Variants in ICA1 observed in about 807,000 individuals in gnomAD.
The protein encoded by ICA1 is 69 kDa islet cell autoantigen.
Under a neutral mutation model 71.0 loss-of-function variants are expected in ICA1, and 40 were observed. The observed-to-expected ratio is 0.56, with a 90% confidence interval of 0.44 to 0.73. The LOEUF is 0.73. Ranked by LOEUF, ICA1 falls within the 30% of genes least tolerant of loss-of-function variation. The pLI is 0.00. For missense variants in ICA1, 578 were observed against 576.5 expected, an observed-to-expected ratio of 1.00 and a Z score of -0.03; for synonymous variants, 207 against 209.5, an observed-to-expected ratio of 0.99 and a Z score of 0.10.
intron 6 of ICA1, among the ~76,000 whole-genome samples, chr7:8,199,225 G>A (rs545282264): frequency 6.6e-6 from 1 of 152,288 alleles, no homozygotes; most frequent in Non-Finnish European, 1.5e-5. Context: ...CCACTGCAGG[G>A]TATATACCCA....
intron 1 of ICA1, among the ~76,000 whole-genome samples, chr7:8,245,144 C>T (rs114237299): frequency 1.3e-5 from 2 of 152,042 alleles, no homozygotes; most frequent in African/African-American, 4.8e-5. Context: ...ACAATACCAA[C>T]GACTTGGAAC....
At chr7:8,152,796 T>TCCACCACCACCA (rs79753788) in intron 8 of ICA1, among the ~76,000 whole-genome samples, 59 of 49,584 alleles carry the variant, frequency 1.2e-3, no homozygotes, top group Non-Finnish European at 1.2e-3. Flanking sequence ...CACCATCACC[T>TCCACCACCACCA]CCACCACCAC....
chr7:8,206,979 A>G (rs1791825626), intron 6 of ICA1, among the ~76,000 whole-genome samples: 1 of 152,212 alleles, frequency 6.6e-6, no homozygotes, highest in Admixed American at 6.5e-5. Context: ...AGCATGGCTG[A>G]GTCCCACTTC....
chr7:8,187,010 A>C (rs1293025207), intron 6 of ICA1, among the ~76,000 whole-genome samples: 1 of 152,224 alleles, frequency 6.6e-6, no homozygotes, highest in Non-Finnish European at 1.5e-5. Flanking sequence ...ACTCAGTTCT[A>C]AGAACTTGAC....
intron 6 of ICA1, among the ~76,000 whole-genome samples, chr7:8,205,391 C>G (rs1791163358): frequency 6.6e-6 from 1 of 152,178 alleles, no homozygotes; most frequent in Non-Finnish European, 1.5e-5. Context: ...CACATAGTCT[C>G]TAGTAACCCT....
intron 12 of ICA1, among the ~76,000 whole-genome samples, chr7:8,133,532 A>T (rs183413603): frequency 7.5e-4 from 114 of 152,334 alleles, no homozygotes; most frequent in Non-Finnish European, 1.3e-3. Flanking sequence ...TACAGGCATG[A>T]GCCCTTTTCC....
chr7:8,183,337 C>T (rs762220516), intron 6 of ICA1, among the ~76,000 whole-genome samples: 2 of 152,192 alleles, frequency 1.3e-5, no homozygotes, highest in Non-Finnish European at 2.9e-5. Context: ...GCTATTCTAA[C>T]CCCCGTCTAC....
chr7:8,227,245 T>C (rs1016086065), intron 4 of ICA1, among the ~76,000 whole-genome samples: 2 of 152,114 alleles, frequency 1.3e-5, no homozygotes, highest in African/African-American at 4.8e-5. Flanking sequence ...TTGAAAGCAG[T>C]GCAGACAATA....
chr7:8,162,405 C>T (rs1195948522), intron 6 of ICA1, among the ~76,000 whole-genome samples: 1 of 152,184 alleles, frequency 6.6e-6, no homozygotes, highest in Non-Finnish European at 1.5e-5. Flanking sequence ...GGATGCTACA[C>T]TGTTGGGCGT....
At chr7:8,236,711 A>G (rs530467551) in intron 1 of ICA1, 8 of 152,416 alleles carry the variant, frequency 5.2e-5, no homozygotes, top group African/African-American at 1.9e-4. Context: ...CTCGTTAGTA[A>G]ATACTGGAGT....
chr7:8,241,574 T>C (rs993451231), intron 1 of ICA1, among the ~76,000 whole-genome samples: 6 of 121,822 alleles, frequency 4.9e-5, no homozygotes, highest in Non-Finnish European at 8.4e-5. Context: ...AATATTAACC[T>C]TATTGTAAAT....
chr7:8,140,405 C>T (rs1169858033), intron 10 of ICA1, among the ~76,000 whole-genome samples: 1 of 152,214 alleles, frequency 6.6e-6, no homozygotes, highest in Non-Finnish European at 1.5e-5. Flanking sequence ...GTTTCTTCTG[C>T]TTTGACAAGT....
chr7:8,161,060 G>T (rs1378726979), intron 6 of ICA1, among the ~76,000 whole-genome samples: 1 of 152,154 alleles, frequency 6.6e-6, no homozygotes, highest in Non-Finnish European at 1.5e-5. Flanking sequence ...TCCTACAAAG[G>T]GGAAGAAAAT....
rs564195528 is a variant in ICA1 at position 8,117,408 on chromosome 7, G to A, written c.1331-3364C>T. On this transcript the variant is annotated intron_variant, in intron 13 of 13. Transcript: ENST00000402384. ...GGGACAGCAAACCTAGTTCCACACA[G>A]CATTTACTGTCTGTCCTGGAGGTTT... is the stretch of plus-strand genomic sequence containing the variant. Among the ~76,000 whole-genome samples, 3 of 152,284 alleles carry A rather than the reference G, an allele frequency of 2.0e-5. No homozygotes were observed. In the South Asian group the frequency reaches 6.2e-4, roughly 32 times the overall value.
intron 6 of ICA1, among the ~76,000 whole-genome samples, chr7:8,216,510 C>T (rs1795434405): frequency 6.6e-6 from 1 of 150,798 alleles, no homozygotes; most frequent in African/African-American, 2.4e-5. Flanking sequence ...TGTTTCAACA[C>T]TCAAACCAAA....
chr7:8,173,000 C>T (rs539604185), intron 6 of ICA1, among the ~76,000 whole-genome samples: 13 of 152,282 alleles, frequency 8.5e-5, no homozygotes, highest in Non-Finnish European at 1.9e-4. Flanking sequence ...TCACTGACAA[C>T]GGAGGTGAAA....
intron 6 of ICA1, among the ~76,000 whole-genome samples, chr7:8,200,584 G>A (rs946195539): frequency 1.3e-5 from 2 of 152,128 alleles, no homozygotes; most frequent in African/African-American, 4.8e-5. Flanking sequence ...TATGGAAGGG[G>A]CCTTGCTGGG....
At chr7:8,202,662 C>T (rs1467870369) in intron 6 of ICA1, among the ~76,000 whole-genome samples, 2 of 152,156 alleles carry the variant, frequency 1.3e-5, no homozygotes, top group Non-Finnish European at 2.9e-5. Flanking sequence ...TTATATCACC[C>T]TTGACTTTTT....
At chr7:8,147,751 C>A (rs947598287) in intron 8 of ICA1, among the ~76,000 whole-genome samples, 1 of 150,560 alleles carries the variant, frequency 6.6e-6, no homozygotes, top group African/African-American at 2.5e-5. Context: ...AGCTATAATT[C>A]AAATACCATA....
Sources: gnomAD v4.1 joint callset for allele counts (sites outside exome capture counted in the v4.1 genomes callset) on GRCh38, gnomAD v4.1.1 for gene constraint, MANE v1.5 for transcripts, NCBI Gene and HGNC (gene_info 2026-07-23, HGNC 2026-07-21) for gene names.